The following ACSS3 variants were observed in gnomAD, a reference collection of about 807,000 sequenced individuals.
ACSS3 encodes acyl-CoA synthetase short-chain family member 3, mitochondrial.
A neutral mutation model predicts 84.2 loss-of-function variants in ACSS3; 64 were observed. The observed-to-expected ratio is 0.76, with a 90% confidence interval of 0.62 to 0.94. The LOEUF is 0.94. ACSS3 is among the 40% of genes least tolerant of loss of function. The pLI, the probability that ACSS3 is intolerant of heterozygous loss-of-function variation, is 0.00. For missense variants in ACSS3, 815 were observed against 867.6 expected (o/e 0.94, Z 0.76); for synonymous variants, 317 against 310.1 (o/e 1.02, Z -0.23).
intron 2 of ACSS3, among the ~76,000 whole-genome samples, chr12:81,132,279 G>A (rs1351571089): frequency 2.0e-5 from 3 of 152,048 alleles, no homozygotes; most frequent in African/African-American, 4.8e-5. Context: ...TGGTTGGTAG[G>A]CTATTAATTG....
At chr12:81,132,256 C>T (rs1222366933) in intron 2 of ACSS3, among the ~76,000 whole-genome samples, 1 of 152,076 alleles carries the variant, frequency 6.6e-6, no homozygotes, top group Non-Finnish European at 1.5e-5. Context: ...CTGTCTGGTC[C>T]TGGACTTTTT....
chr12:81,080,713 A>T (rs1880917287), intron 1 of ACSS3, among the ~76,000 whole-genome samples: 1 of 152,204 alleles, frequency 6.6e-6, no homozygotes. Context: ...CCACAAAGCC[A>T]AACAGAAGGG....
intron 7 of ACSS3, among the ~76,000 whole-genome samples, chr12:81,171,889 C>T (rs2030076148): frequency 6.6e-6 from 1 of 152,112 alleles, no homozygotes; most frequent in African/African-American, 2.4e-5. Flanking sequence ...TCCAAGGCTA[C>T]AAACCTGTAC....
At chr12:81,185,932 G>A (rs1267923531) in intron 8 of ACSS3, among the ~76,000 whole-genome samples, 2 of 151,722 alleles carry the variant, frequency 1.3e-5, no homozygotes, top group African/African-American at 4.8e-5. Context: ...AAAGTTGGAG[G>A]CATCACACTT....
chr12:81,225,367 C>T (rs547702469), intron 11 of ACSS3, among the ~76,000 whole-genome samples: 2 of 152,022 alleles, frequency 1.3e-5, no homozygotes, highest in African/African-American at 4.8e-5. Context: ...AAAGCATGCA[C>T]TTATTTTATC....
rs766079053 is a variant in ACSS3 at position 81,078,334 on chromosome 12, G to T, written c.214G>T (p.Asp72Tyr). 6 of 1,612,498 alleles carry T rather than the reference G, an allele frequency of 3.7e-6. No individual in the cohort carries two copies. In the Admixed American group the frequency reaches 1.0e-4, roughly 27 times the overall value. The change falls in exon 1 of 16, where the codon GAC becomes TAC. Residue 72 changes from aspartate (D) to tyrosine (Y), a missense_variant. By Grantham distance (160) the Asp-to-Tyr change is radical. Transcript: ENST00000548058. ...GACCCACTTCGCAGCCTCGGTGACC[G>T]ACCCCGAGAGGTTCTGGGGCAAAGC... ...YKTHFAASVT[D>Y]PERFWGKAAE...
intron 8 of ACSS3, among the ~76,000 whole-genome samples, chr12:81,190,281 CTTTG>C (rs1240937235): frequency 6.6e-6 from 1 of 152,014 alleles, no homozygotes; most frequent in Non-Finnish European, 1.5e-5. Context: ...AAGTATATCT[CTTTG>C]TTTATTTAGG....
chr12:81,251,926 G>T (rs2034167834), intron 13 of ACSS3, among the ~76,000 whole-genome samples: 1 of 152,112 alleles, frequency 6.6e-6, no homozygotes, highest in African/African-American at 2.4e-5. Flanking sequence ...TACTGAAAAT[G>T]ATTTATCACC....
At chr12:81,093,608 T>TC (rs1881819269) in intron 1 of ACSS3, among the ~76,000 whole-genome samples, 1 of 152,018 alleles carries the variant, frequency 6.6e-6, no homozygotes, top group Non-Finnish European at 1.5e-5. Context: ...CTTCAGTGTT[T>TC]TTTTTTTGGA....
At chr12:81,097,218 A>G (rs1180365841) in intron 1 of ACSS3, among the ~76,000 whole-genome samples, 3 of 152,204 alleles carry the variant, frequency 2.0e-5, no homozygotes, top group Non-Finnish European at 4.4e-5. Context: ...GGGAGTGGGA[A>G]TGCTTTTCTT....
At chr12:81,078,554 C>A in intron 1 of ACSS3, 123 bp downstream of exon 1, 1 of 1,040,908 alleles carries the variant, frequency 9.6e-7, no homozygotes, top group Non-Finnish European at 1.4e-6. Context: ...GAGATGTGTT[C>A]AGACCCCTCA....
At chr12:81,189,136 A>C (rs7484615) in intron 8 of ACSS3, among the ~76,000 whole-genome samples, 27,310 of 152,032 alleles carry the variant, frequency 0.18, 2,783 homozygotes, top group East Asian at 0.4. Flanking sequence ...TCAGCAGTTG[A>C]ATTCTTTTTT....
chr12:81,223,613 T>C (rs2033180066), intron 11 of ACSS3, among the ~76,000 whole-genome samples: 1 of 151,996 alleles, frequency 6.6e-6, no homozygotes, highest in Admixed American at 6.6e-5. Context: ...TATGCAACAT[T>C]AGTAGTTGCA....
chr12:81,149,818 A>G (rs1566004322), intron 5 of ACSS3, among the ~76,000 whole-genome samples: 1 of 152,174 alleles, frequency 6.6e-6, no homozygotes, highest in Non-Finnish European at 1.5e-5. Context: ...AGGGTAAAAT[A>G]AAAAGCAATA....
chr12:81,205,276 C>T (rs1565719467), intron 9 of ACSS3, among the ~76,000 whole-genome samples: 1 of 152,072 alleles, frequency 6.6e-6, no homozygotes, highest in Non-Finnish European at 1.5e-5. Flanking sequence ...TAAAATGTGT[C>T]AGGGCTGCTT....
intron 1 of ACSS3, among the ~76,000 whole-genome samples, chr12:81,096,534 A>C (rs1044945962): frequency 6.6e-6 from 1 of 152,244 alleles, no homozygotes; most frequent in Non-Finnish European, 1.5e-5. Context: ...CAGGCTTGTT[A>C]CATAGGTATA....
chr12:81,167,650 C>T, intron 7 of ACSS3, among the ~76,000 whole-genome samples: 1 of 152,134 alleles, frequency 6.6e-6, no homozygotes, highest in Non-Finnish European at 1.5e-5. Flanking sequence ...TGTTTTAGCA[C>T]CATTTGTCCA....
chr12:81,224,457 T>C (rs915924997), intron 11 of ACSS3, among the ~76,000 whole-genome samples: 4 of 151,820 alleles, frequency 2.6e-5, no homozygotes, highest in Admixed American at 2.6e-4. Flanking sequence ...ACCTAATGTC[T>C]ATCTGGATCT....
chr12:81,110,974 C>T (rs912078387), intron 2 of ACSS3, among the ~76,000 whole-genome samples: 11 of 152,086 alleles, frequency 7.2e-5, no homozygotes, highest in African/African-American at 2.4e-4. Flanking sequence ...TCTTATTTTG[C>T]CTTGTAAGAA....
Sources: allele counts gnomAD v4.1 joint callset (sites outside exome capture counted in the v4.1 genomes callset), GRCh38; gene constraint gnomAD v4.1.1; transcripts MANE v1.5; gene names NCBI Gene and HGNC (gene_info 2026-07-23, HGNC 2026-07-21).